The following AKR1E2 variants were observed in gnomAD, a reference collection of about 807,000 sequenced individuals.
AKR1E2 encodes 1,5-anhydro-D-fructose reductase.
AKR1E2 carries 43 observed loss-of-function variants against 41.9 expected under a neutral mutation model. The ratio of observed to expected loss-of-function variants is 1.03; its 90% CI spans 0.80 to 1.32. The LOEUF (loss-of-function observed/expected upper bound fraction) is 1.32, where lower values mean the gene tolerates loss of function less well. AKR1E2 is among the 40% of genes most tolerant of loss of function. AKR1E2 has a pLI of 0.00. For synonymous variants in AKR1E2, 121 were observed against 138.9 expected (o/e 0.87, Z 0.91); for missense variants, 423 against 396.5 (o/e 1.07, Z -0.57).
At chr10:4,831,211 T>C (rs1008699303) in intron 2 of AKR1E2, among the ~76,000 whole-genome samples, 3 of 152,258 alleles carry the variant, frequency 2.0e-5, no homozygotes, top group Admixed American at 6.5e-5. Context: ...GATTCCAAAT[T>C]CTACCCCACA....
the AKR1E2 span, among the ~76,000 whole-genome samples, chr10:4,872,892 A>G: frequency 1.3e-5 from 2 of 152,238 alleles, no homozygotes; most frequent in East Asian, 3.9e-4. Flanking sequence ...AGAAGGCATC[A>G]TCGAGTGATA....
intron 8 of AKR1E2, 94 bp downstream of exon 8, chr10:4,842,598 G>A: frequency 8.9e-7 from 1 of 1,120,544 alleles, no homozygotes; most frequent in Non-Finnish European, 1.3e-6. Context: ...GGGTTGCGGA[G>A]CTTGATGCAA....
At chr10:4,833,253 A>AT in intron 2 of AKR1E2, 97 bp from the exon 3 acceptor site, 2 of 913,238 alleles carry the variant, frequency 2.2e-6, no homozygotes, top group Non-Finnish European at 3.6e-6. Flanking sequence ...CATCTTGGCT[A>AT]TTTTGGGTTC....
Position 4,835,828 on chromosome 10 carries a change from C to T in AKR1E2, c.459+19C>T. On this transcript the variant is annotated intron_variant, in intron 4 of 9. Transcript: ENST00000298375. ...GTGGGAGGTGAGCTGAGCCACACCA[C>T]CAGGCAGCCTCATCCTGTGTGGGTC... 1 of 1,612,780 alleles carries T rather than the reference C, an allele frequency of 6.2e-7. No individual in the cohort carries two copies.
chr10:4,829,855 G>T (rs1410275394), intron 1 of AKR1E2, among the ~76,000 whole-genome samples: 2 of 152,208 alleles, frequency 1.3e-5, no homozygotes, highest in South Asian at 4.1e-4. Flanking sequence ...CTGACTTCTG[G>T]TTTTGTTGAT....
intron 2 of AKR1E2, among the ~76,000 whole-genome samples, chr10:4,832,852 T>A (rs1387657804): frequency 6.6e-6 from 1 of 152,230 alleles, no homozygotes; most frequent in Non-Finnish European, 1.5e-5. Flanking sequence ...CAAGTTTTTC[T>A]ACATAATGAG....
chr10:4,854,382 G>A, the AKR1E2 span, among the ~76,000 whole-genome samples: 63 of 152,138 alleles, frequency 4.1e-4, no homozygotes, highest in Middle Eastern at 3.4e-3. Context: ...ATGAGCCACC[G>A]CACCTGGCCT....
At chr10:4,870,322 A>G in the AKR1E2 span, among the ~76,000 whole-genome samples, 2 of 152,220 alleles carry the variant, frequency 1.3e-5, no homozygotes, top group Non-Finnish European at 2.9e-5. Context: ...AACATCATTT[A>G]GAAAACTCAA....
chr10:4,829,415 T>C (rs1832792618), intron 1 of AKR1E2, among the ~76,000 whole-genome samples: 1 of 152,242 alleles, frequency 6.6e-6, no homozygotes, highest in Non-Finnish European at 1.5e-5. Flanking sequence ...TTTGCAACGG[T>C]ATTCATGAAT....
chr10:4,850,787 A>G (rs1213064803), downstream of AKR1E2, among the ~76,000 whole-genome samples: 1 of 152,200 alleles, frequency 6.6e-6, no homozygotes, highest in Non-Finnish European at 1.5e-5. Context: ...TGGGTGCCGC[A>G]GGGTGACTAT....
At chr10:4,845,208 G>A (rs530431838) in intron 8 of AKR1E2, among the ~76,000 whole-genome samples, 2 of 152,304 alleles carry the variant, frequency 1.3e-5, no homozygotes, top group Admixed American at 6.5e-5. Context: ...CAGCCGCTCC[G>A]AGTGCCGGGC....
the AKR1E2 span, among the ~76,000 whole-genome samples, chr10:4,864,789 AT>A: frequency 2.0e-5 from 3 of 152,244 alleles, no homozygotes; most frequent in Non-Finnish European, 4.4e-5. Context: ...ATGTGCAAAA[AT>A]CACAAGCATT....
the AKR1E2 span, among the ~76,000 whole-genome samples, chr10:4,858,978 C>A: frequency 6.6e-6 from 1 of 151,948 alleles, no homozygotes; most frequent in South Asian, 2.1e-4. Flanking sequence ...CATCCACCAC[C>A]ACGACCAGCT....
intron 1 of AKR1E2, among the ~76,000 whole-genome samples, chr10:4,826,574 CGA>C (rs1198748563): frequency 6.6e-6 from 1 of 152,190 alleles, no homozygotes; most frequent in Admixed American, 6.5e-5. Context: ...TGCTGCCCGC[CGA>C]GGCGCTCTCT....
chr10:4,842,517 C>T lies in AKR1E2; in HGVS notation c.837+13C>T. 1 of 1,611,576 alleles carries T rather than the reference C, an allele frequency of 6.2e-7. No homozygotes were observed. Among genetic ancestry groups the T allele is most frequent in the Non-Finnish European group, 8.5e-7 (1 of 1,177,964 alleles). ...AGAGAATATCCAGGTAGGTGTATTC[C>T]TTCTTTTATTTGGCGGGTTTCAGAT... On this transcript the variant is annotated intron_variant, in intron 8 of 9. Coordinates refer to ENST00000298375, the MANE Select transcript of AKR1E2 (RefSeq NM_001040177.3).
In AKR1E2 at chr10:4,839,728, GA is replaced by G; in HGVS notation, c.583del (p.Ile195LeufsTer12). ...TTATGTAAGCTATGATTCTGTTATA[GA>G]TTGAGTGCCACCCATATCTTACTCA... ...GLRFKPLTNQ[I>X]ECHPYLTQKN... is the part of the protein sequence containing the mutation. On this transcript the variant is annotated frameshift_variant and splice_region_variant, in exon 6 of 10. Transcript: ENST00000298375. LOFTEE classifies it high-confidence loss of function. The G allele has an allele frequency of 6.2e-7, 1 of 1,612,950 alleles. No individual in the cohort carries two copies. Among genetic ancestry groups the G allele is most frequent in the Non-Finnish European group, 8.5e-7 (1 of 1,178,968 alleles).
the AKR1E2 span, among the ~76,000 whole-genome samples, chr10:4,865,175 A>G: frequency 6.6e-5 from 10 of 152,356 alleles, no homozygotes; most frequent in African/African-American, 2.2e-4. Flanking sequence ...TCAAATAACC[A>G]TACTGCAAGA....
At chr10:4,841,927 G>A (rs1261927778) in intron 7 of AKR1E2, 70 bp downstream of exon 7, 3 of 1,424,028 alleles carry the variant, frequency 2.1e-6, no homozygotes, top group East Asian at 4.8e-5. Context: ...GGAGTCCTGG[G>A]GCTTGGCAGG....
the AKR1E2 span, among the ~76,000 whole-genome samples, chr10:4,857,399 C>A: frequency 1.2e-5 from 1 of 84,424 alleles, no homozygotes; most frequent in South Asian, 3.4e-4. Context: ...GTGTGTAGTA[C>A]CCCCCACACA....
Sources: allele counts gnomAD v4.1 joint callset (sites outside exome capture counted in the v4.1 genomes callset), GRCh38; gene constraint gnomAD v4.1.1; transcripts MANE v1.5; gene names NCBI Gene and HGNC (gene_info 2026-07-23, HGNC 2026-07-21).